Variants in TMEM161A observed in about 807,000 individuals in gnomAD.
TMEM161A encodes adaptive response to oxidative stress protein 29.
A neutral mutation model predicts 57.1 loss-of-function variants in TMEM161A; 46 were observed. That is an observed-to-expected ratio of 0.81 (90% confidence interval 0.64 to 1.03). The LOEUF (loss-of-function observed/expected upper bound fraction) is 1.03, where lower values mean the gene tolerates loss of function less well. TMEM161A is among the 50% of genes least tolerant of loss of function. The probability of loss-of-function intolerance (pLI) is 0.00; values close to 1 mark genes in which losing one functional copy is unlikely to be tolerated. For missense variants in TMEM161A, 601 were observed against 621.5 expected (o/e 0.97, Z 0.35); for synonymous variants, 288 against 279.0 (o/e 1.03, Z -0.32).
intron 6 of TMEM161A, among the ~76,000 whole-genome samples, chr19:19,128,545 T>A (rs2059942330): frequency 6.7e-6 from 1 of 149,150 alleles, no homozygotes; most frequent in South Asian, 2.2e-4. Context: ...TTTTTTTTTT[T>A]TTTTTTTTTT....
chr19:19,130,461 G>A (rs777218557), intron 5 of TMEM161A, 154 bp from the exon 6 acceptor site: 2 of 856,942 alleles, frequency 2.3e-6, no homozygotes, highest in Non-Finnish European at 3.6e-6. Context: ...TGGGGTGCTG[G>A]ATCTCAGATC....
At position 19,119,722 on chromosome 19, in the gene TMEM161A, C is replaced by T; in HGVS notation, c.*208G>A. On this transcript the variant is annotated 3_prime_UTR_variant, in exon 12 of 12. Transcript: ENST00000162044. The stretch of plus-strand genomic sequence containing the variant: ...CTTCGGAGACAATGGCCTCGGGACC[C>T]TCATGCTGCTGGGCCCAGGAGAGAC... The T allele has an allele frequency of 1.6e-6, 1 of 625,512 alleles. No homozygotes were observed. The highest frequency in any genetic ancestry group is 2.0e-5 in the South Asian group (1 of 48,802). 38.7% of individuals were successfully genotyped at this position (625,512 alleles called of 1,614,324 possible).
At chr19:19,127,543 C>T (rs184190737) in intron 6 of TMEM161A, among the ~76,000 whole-genome samples, 4 of 151,996 alleles carry the variant, frequency 2.6e-5, no homozygotes, top group Admixed American at 1.3e-4. Flanking sequence ...AGGATGGTCT[C>T]GATCTCCTGA....
chr19:19,135,278 C>T (rs924218318), intron 1 of TMEM161A, among the ~76,000 whole-genome samples: 1 of 152,090 alleles, frequency 6.6e-6, no homozygotes, highest in African/African-American at 2.4e-5. Flanking sequence ...ACCACGAGCC[C>T]GCCACACTCA....
chr19:19,130,019 C>T (rs1230669912), intron 6 of TMEM161A, 137 bp downstream of exon 6: 11 of 944,190 alleles, frequency 1.2e-5, no homozygotes, highest in Non-Finnish European at 1.7e-5. Context: ...GAGATGGTCA[C>T]TAATGGGGAC....
intron 5 of TMEM161A, among the ~76,000 whole-genome samples, chr19:19,130,769 C>T (rs1280375239): frequency 2.6e-5 from 4 of 151,538 alleles, no homozygotes; most frequent in Non-Finnish European, 2.9e-5. Context: ...AGACCCCCAT[C>T]TCTACAAAAA....
chr19:19,124,006 A>G (rs1376940679), intron 6 of TMEM161A, among the ~76,000 whole-genome samples: 1 of 151,930 alleles, frequency 6.6e-6, no homozygotes, highest in Non-Finnish European at 1.5e-5. Flanking sequence ...GTGAGCCGAG[A>G]TTGCGCCACT....
In TMEM161A at chr19:19,119,745, G is replaced by C. The variant is rs1050549628; in HGVS notation, c.*185C>G. On this transcript the variant is annotated 3_prime_UTR_variant, in exon 12 of 12. Transcript: ENST00000162044. ...CCCTCATGCTGCTGGGCCCAGGAGA[G>C]ACAGTTCTGAGGCAGAAACTCGGCG... The C allele has an allele frequency of 7.1e-6, 5 of 700,150 alleles. No homozygotes were observed. The highest frequency in any genetic ancestry group is 4.0e-4 in the Middle Eastern group (1 of 2,510). The allele number at this position is 700,150 out of a possible 1,614,324, so 43.4% of individuals were successfully genotyped here.
At chr19:19,129,574 T>G (rs1467197048) in intron 6 of TMEM161A, among the ~76,000 whole-genome samples, 2 of 151,664 alleles carry the variant, frequency 1.3e-5, no homozygotes, top group African/African-American at 4.9e-5. Context: ...AGTGAGACCC[T>G]GTTTCAATAA....
At chr19:19,133,417 C>T (rs1160462633) in intron 2 of TMEM161A, 5 of 547,152 alleles carry the variant, frequency 9.1e-6, no homozygotes, top group African/African-American at 3.9e-5. Context: ...CTTGGATACC[C>T]CTGAATCTGC....
intron 5 of TMEM161A, 21 bp from the exon 6 acceptor site, chr19:19,130,328 G>A (rs765254813): frequency 6.2e-7 from 1 of 1,611,038 alleles, no homozygotes; most frequent in Non-Finnish European, 8.5e-7. Flanking sequence ...GAGCTAAGGA[G>A]GCCTCAGGTG....
In TMEM161A at chr19:19,119,823, CGGCCCCACCTTGCAGCTGG is replaced by C; in HGVS notation, c.*88_*106del. On this transcript the variant is annotated 3_prime_UTR_variant, in exon 12 of 12. Transcript: ENST00000162044. ...GTGGTGAAGGGAACGCCGGGGAGTC[CGGCCCCACCTTGCAGCTGG>C]GGACACGGGGGCGCAAACAGAGGGG... 1 of 1,396,470 alleles carries C rather than the reference CGGCCCCACCTTGCAGCTGG, an allele frequency of 7.2e-7. No individual in the cohort carries two copies. Among genetic ancestry groups the C allele is most frequent in the Non-Finnish European group, 9.6e-7 (1 of 1,039,150 alleles). The allele number at this position is 1,396,470 out of a possible 1,614,324, so 86.5% of individuals were successfully genotyped here.
In TMEM161A at chr19:19,130,214, C is replaced by T. The variant is rs1257607638; in HGVS notation, c.537G>A (p.Leu179=). 6.2e-7 allele frequency: 1 copy of T among 1,613,834 alleles called. No homozygotes were observed. Among genetic ancestry groups the T allele is most frequent in the African/African-American group, 1.3e-5 (1 of 74,944 alleles). ...VCLTFAFLFL[L]LAMLVQVVRE... ...GCACCACTTGCACCAGCATGGCCAG[C>T]AGCAGGAAGAGGAAGGCAAAGGTGA... The change falls in exon 6 of 12, where the codon CTG becomes CTA. Residue 179 remains leucine (L), a synonymous_variant. Coordinates refer to ENST00000162044, the MANE Select transcript of TMEM161A (RefSeq NM_017814.3).
In TMEM161A at chr19:19,132,319, G is replaced by C. The variant is rs371320442; in HGVS notation, c.443+33C>G. The C allele has an allele frequency of 1.4e-5, 23 of 1,592,008 alleles. No individual in the cohort carries two copies. The African/African-American group carries it at 2.8e-4, about 20-fold the overall frequency. On this transcript the variant is annotated intron_variant, in intron 5 of 11. Transcript: ENST00000162044. This position sits in a 1 kb window ranked among gnomAD's most constrained non-coding sequence, Gnocchi z 4.3. Reference sequence around the variant, plus strand: ...GGAAGCTCAGGTCCTGCTCCCACCCGCCCCACTGGCAGGGAGCAGAGAGGA... The same window carrying C: ...GGAAGCTCAGGTCCTGCTCCCACCCCCCCCACTGGCAGGGAGCAGAGAGGA...
chr19:19,133,146 T>A lies in TMEM161A; in HGVS notation c.172A>T (p.Arg58Ter). The change falls in exon 3 of 12, where the codon AGA (arginine) becomes TGA (stop). Residue 58 changes from arginine (R) to a stop codon, truncating the protein, a stop_gained. Transcript: ENST00000162044. LOFTEE classifies it high-confidence loss of function. ...GTCACTCACCGCTCTTTCCTGCCTC[T>A]GGGCCTCGGCTTCCCCGCCAGGGCC... ...LRALAGKPRP[R>*]GRKERWANGL... 1 of 1,614,124 alleles carries A rather than the reference T, an allele frequency of 6.2e-7. No individual in the cohort carries two copies. The highest frequency in any genetic ancestry group is 8.5e-7 in the Non-Finnish European group (1 of 1,179,992).
intron 6 of TMEM161A, among the ~76,000 whole-genome samples, 189 bp from the exon 7 acceptor site, chr19:19,122,008 A>G (rs1435174013): frequency 6.6e-6 from 1 of 152,138 alleles, no homozygotes; most frequent in Non-Finnish European, 1.5e-5. Flanking sequence ...TTTACAAGAA[A>G]CAAGATTGGA....
chr19:19,120,325 C>G (rs544101995), intron 11 of TMEM161A, 142 bp from the exon 12 acceptor site: 136 of 772,650 alleles, frequency 1.8e-4, no homozygotes, highest in African/African-American at 1.6e-3. Flanking sequence ...GTCTCCACCC[C>G]CTCAGGCGCT....
At chr19:19,127,410 C>G (rs1392165614) in intron 6 of TMEM161A, among the ~76,000 whole-genome samples, 1 of 151,388 alleles carries the variant, frequency 6.6e-6, no homozygotes, top group Non-Finnish European at 1.5e-5. Context: ...AGCGCCGCCT[C>G]CTGGGTTCAC....
chr19:19,127,985 C>T (rs546835126), intron 6 of TMEM161A, among the ~76,000 whole-genome samples: 1 of 152,136 alleles, frequency 6.6e-6, no homozygotes, highest in East Asian at 1.9e-4. Flanking sequence ...CATGGATATG[C>T]CTTGAGGACA....
Sources: gnomAD v4.1 joint callset for allele counts (sites outside exome capture counted in the v4.1 genomes callset) on GRCh38, gnomAD v4.1.1 for gene constraint, Gnocchi (gnomAD v3.1) non-coding constraint, MANE v1.5 for transcripts, NCBI Gene and HGNC (gene_info 2026-07-23, HGNC 2026-07-21) for gene names.